Variants in CAPS2 observed in about 807,000 individuals in gnomAD.
CAPS2 encodes calcyphosine 2.
A neutral mutation model predicts 86.5 loss-of-function variants in CAPS2; 98 were observed. The observed-to-expected ratio is 1.13, with a 90% CI of 0.96 to 1.34. The LOEUF (loss-of-function observed/expected upper bound fraction) is 1.34, where lower values mean the gene tolerates loss of function less well. Among genes scored for constraint, CAPS2 ranks in the 40% most tolerant of loss-of-function variants. The probability of loss-of-function intolerance (pLI) is 0.00; values close to 1 mark genes in which losing one functional copy is unlikely to be tolerated. For synonymous variants in CAPS2, 210 were observed against 225.1 expected (o/e 0.93, Z 0.60); for missense variants, 729 against 686.8 (o/e 1.06, Z -0.69).
At chr12:75,304,915 T>C (rs756163297) in intron 7 of CAPS2, 39 bp from the exon 8 acceptor site, 8 of 1,591,620 alleles carry the variant, frequency 5.0e-6, no homozygotes, top group Non-Finnish European at 6.8e-6. Context: ...TTAAATATGA[T>C]CATGCATTAC....
intron 6 of CAPS2, among the ~76,000 whole-genome samples, chr12:75,314,543 T>G (rs919044116): frequency 6.6e-6 from 1 of 152,170 alleles, no homozygotes; most frequent in African/African-American, 2.4e-5. Context: ...TCATGATGCT[T>G]TATAAGATTT....
At chr12:75,291,240 C>T (rs1466996066) in intron 13 of CAPS2, among the ~76,000 whole-genome samples, 2 of 151,482 alleles carry the variant, frequency 1.3e-5, no homozygotes, top group Non-Finnish European at 2.9e-5. Context: ...CAATCTGGCT[C>T]CCAGTCTAGC....
chr12:75,282,281 A>G, exon 16 of CAPS2: 1 of 1,604,256 alleles, frequency 6.2e-7, no homozygotes. Context: ...TTCTTTGCAC[A>G]GTAACATTTT....
intron 11 of CAPS2, among the ~76,000 whole-genome samples, chr12:75,294,762 G>C (rs771220580): frequency 2.0e-5 from 3 of 152,050 alleles, no homozygotes; most frequent in Admixed American, 1.3e-4. Flanking sequence ...TGTATGTGTC[G>C]GGATAGGAAG....
intron 14 of CAPS2, among the ~76,000 whole-genome samples, chr12:75,288,923 G>A (rs1204860702): frequency 6.6e-6 from 1 of 152,166 alleles, no homozygotes; most frequent in Non-Finnish European, 1.5e-5. Context: ...AAAGGACCAA[G>A]GATCAGATGG....
At position 75,316,432 on chromosome 12, in the gene CAPS2, A is replaced by T; in HGVS notation, c.471T>A (p.Cys157Ter). The change falls in exon 6 of 17, where the codon TGT (cysteine) becomes TGA (stop). Residue 157 changes from cysteine (C) to a stop codon, truncating the protein, a stop_gained and splice_region_variant. Transcript: ENST00000393284. LOFTEE classifies it high-confidence loss of function. ...CTGTGTTGGCTTCTTCATCTTGCAC[A>T]CACTATGCATGAAAGAAATAAATGA... The T allele has an allele frequency of 6.5e-7, 1 of 1,539,388 alleles. No homozygotes were observed. Among genetic ancestry groups the T allele is most frequent in the Non-Finnish European group, 8.8e-7 (1 of 1,142,468 alleles).
intron 1 of CAPS2, chr12:75,363,212 T>A (rs2043733340): frequency 9.1e-7 from 1 of 1,103,444 alleles, no homozygotes; most frequent in African/African-American, 1.7e-5. Flanking sequence ...TATATATATA[T>A]AATTACATTT....
At chr12:75,308,640 C>T (rs1026127018) in intron 7 of CAPS2, among the ~76,000 whole-genome samples, 4 of 151,902 alleles carry the variant, frequency 2.6e-5, no homozygotes, top group African/African-American at 9.7e-5. Context: ...ACAGGTTATC[C>T]TCATATCCTT....
rs1485123589 is a variant in CAPS2, at chr12:75,289,793, A to T, written c.1241-18T>A. On this transcript the variant is annotated intron_variant, in intron 13 of 16. Coordinates refer to ENST00000393284, the Ensembl canonical transcript of CAPS2. ...TAGCACATCTGTTCAACAAGAAGAG[A>T]GATGAAAACAAATTGTTCCTATGCA... 1.3e-6 allele frequency: 2 copies of T among 1,588,870 alleles called. No individual in the cohort carries two copies. Among genetic ancestry groups the T allele is most frequent in the Non-Finnish European group, 1.7e-6 (2 of 1,165,720 alleles).
At chr12:75,338,580 T>C (rs1191936012) in intron 1 of CAPS2, among the ~76,000 whole-genome samples, 1 of 151,820 alleles carries the variant, frequency 6.6e-6, no homozygotes, top group African/African-American at 2.4e-5. Context: ...TTTGGTTGCA[T>C]GGAAAAGTTA....
intron 1 of CAPS2, among the ~76,000 whole-genome samples, chr12:75,340,814 A>C (rs889673181): frequency 6.6e-6 from 1 of 152,132 alleles, no homozygotes; most frequent in African/African-American, 2.4e-5. Context: ...ATGGAAAATA[A>C]GCACATGAAA....
At chr12:75,326,503 G>A, upstream of CAPS2, 1 of 1,523,944 alleles carries the variant, frequency 6.6e-7, no homozygotes, top group Non-Finnish European at 8.9e-7. Context: ...ATCCATTTGA[G>A]TTCCTGTGTT....
At chr12:75,314,727 C>T (rs1321899933) in intron 6 of CAPS2, among the ~76,000 whole-genome samples, 1 of 151,816 alleles carries the variant, frequency 6.6e-6, no homozygotes, top group African/African-American at 2.4e-5. Context: ...GATGTAAAAC[C>T]CAGACAGAAA....
At chr12:75,343,625 A>C in intron 1 of CAPS2, 2 of 1,215,132 alleles carry the variant, frequency 1.6e-6, no homozygotes, top group Non-Finnish European at 2.3e-6. Context: ...TTAGTTGATT[A>C]CAATAATTAG....
At chr12:75,386,860 A>AG (rs1202636394) in intron 1 of CAPS2, among the ~76,000 whole-genome samples, 1 of 145,856 alleles carries the variant, frequency 6.9e-6, no homozygotes, top group Non-Finnish European at 1.5e-5. Flanking sequence ...TCCATATACA[A>AG]GAAAAAAAAA....
At chr12:75,276,547 T>A, downstream of CAPS2, 1 of 979,464 alleles carries the variant, frequency 1.0e-6, no homozygotes, top group Non-Finnish European at 1.2e-6. Flanking sequence ...GGGACATACA[T>A]GTTTAACTAT....
Position 75,290,197 on chromosome 12 carries a change from C to T in CAPS2, c.1241-422G>A, listed in dbSNP as rs150803678. Among the ~76,000 whole-genome samples the T allele has an allele frequency of 2.0e-5, 3 of 152,152 alleles. No homozygotes were observed. The East Asian group carries it at 5.8e-4, about 29-fold the overall frequency. On this transcript the variant is annotated intron_variant, in intron 13 of 16. Transcript: ENST00000393284. ...ACAAAATTGATGACAGGCAAGTCACCCAAAAATTATCAGTTCAACATTTTA... is the reference window on the plus strand; with the variant it reads ...ACAAAATTGATGACAGGCAAGTCACTCAAAAATTATCAGTTCAACATTTTA...
downstream of CAPS2, chr12:75,276,697 A>G (rs550611441): frequency 1.9e-4 from 150 of 803,252 alleles, 2 homozygotes; most frequent in South Asian, 7.7e-3. Context: ...ATATAAAAAC[A>G]GAAAAATCAG....
chr12:75,346,386 A>G (rs1468395445), intron 1 of CAPS2, among the ~76,000 whole-genome samples: 1 of 152,136 alleles, frequency 6.6e-6, no homozygotes, highest in Non-Finnish European at 1.5e-5. Context: ...GATGGCTGAA[A>G]GCAAAACTCT....
Sources: gnomAD v4.1 joint callset for allele counts (sites outside exome capture counted in the v4.1 genomes callset) on GRCh38, gnomAD v4.1.1 for gene constraint, MANE v1.5 for transcripts, NCBI Gene and HGNC (gene_info 2026-07-23, HGNC 2026-07-21) for gene names.